ENTPD5: variants seen among roughly 807,000 people sequenced by gnomAD.
ENTPD5 encodes ectonucleoside triphosphate diphosphohydrolase 5 (inactive).
ENTPD5 carries 49 observed loss-of-function variants against 60.2 expected under a neutral mutation model. The ratio of observed to expected loss-of-function variants is 0.81; its 90% confidence interval spans 0.65 to 1.03. The LOEUF is 1.03. Among genes scored for constraint, ENTPD5 ranks in the 50% least tolerant of loss-of-function variants. ENTPD5 has a pLI of 0.00. For synonymous variants in ENTPD5, 187 were observed against 185.4 expected, an observed-to-expected ratio of 1.01 and a Z score of -0.07; for missense variants, 480 against 507.6, an observed-to-expected ratio of 0.95 and a Z score of 0.52.
intron 4 of ENTPD5, 65 bp downstream of exon 4, chr14:73,987,821 G>A (rs2057964212): frequency 6.9e-7 from 1 of 1,454,688 alleles, no homozygotes; most frequent in Non-Finnish European, 9.5e-7. Flanking sequence ...CAGCATATTT[G>A]TTTCTGGGAG....
chr14:73,959,825 C>T, downstream of ENTPD5: 6 of 1,305,552 alleles, frequency 4.6e-6, no homozygotes, highest in Non-Finnish European at 5.9e-6. Flanking sequence ...CTGCCTTGGC[C>T]TCCCAAAGTG....
chr14:73,987,261 A>G (rs952735230), intron 4 of ENTPD5: 6 of 653,096 alleles, frequency 9.2e-6, no homozygotes, highest in Non-Finnish European at 1.6e-5. Flanking sequence ...CACTCCCCAT[A>G]TTCTGAATAT....
At chr14:73,958,388 T>C (rs2056545147), downstream of ENTPD5, 5 of 1,565,666 alleles carry the variant, frequency 3.2e-6, no homozygotes, top group Non-Finnish European at 3.5e-6. Context: ...GGCAAAACTT[T>C]TGGTTATGAG....
At chr14:73,970,175 G>T (rs371888203) in intron 14 of ENTPD5, 50 bp from the exon 15 acceptor site, 2 of 1,340,748 alleles carry the variant, frequency 1.5e-6, no homozygotes, top group African/African-American at 1.4e-5. Context: ...TAACTGAGAG[G>T]TGTAGGATTT....
rs2056926105 is a variant in ENTPD5, at chr14:73,965,265, G to A, written c.*1663C>T. The A allele has an allele frequency of 6.6e-6, 1 of 151,878 alleles. No homozygotes were observed. Among genetic ancestry groups the A allele is most frequent in the African/African-American group, 2.4e-5 (1 of 41,162 alleles). The allele number at this position is 151,878 out of a possible 1,614,324, so 9.4% of individuals were successfully genotyped here. On this transcript the variant is annotated 3_prime_UTR_variant, in exon 16 of 16. Transcript: ENST00000334696. ...CAGGCATACTTAACATCCTTTGTGA[G>A]AGAGAGGATGGAAACGGAGTCTACT...
intron 6 of ENTPD5, among the ~76,000 whole-genome samples, chr14:73,980,199 G>A (rs543511286): frequency 1.3e-4 from 19 of 151,188 alleles, no homozygotes; most frequent in African/African-American, 1.9e-4. Context: ...CGCCCGCCTC[G>A]GCCTCCCAAA....
downstream of ENTPD5, chr14:73,961,585 A>T: frequency 6.2e-7 from 1 of 1,613,246 alleles, no homozygotes; most frequent in East Asian, 2.2e-5. Context: ...GGATTCAGAT[A>T]CTATGGGGAA....
chr14:73,961,930 T>C (rs984412591), downstream of ENTPD5: 3 of 1,613,348 alleles, frequency 1.9e-6, no homozygotes, highest in Admixed American at 5.0e-5. Flanking sequence ...AGGAATGACT[T>C]TGCAAACAGC....
At chr14:73,994,786 G>C (rs899896772) in intron 3 of ENTPD5, among the ~76,000 whole-genome samples, 1 of 150,400 alleles carries the variant, frequency 6.6e-6, no homozygotes, top group Non-Finnish European at 1.5e-5. Flanking sequence ...TACAGAACCC[G>C]AGTCTGCACA....
At chr14:74,012,784 T>C (rs904381032) in intron 2 of ENTPD5, among the ~76,000 whole-genome samples, 3 of 152,330 alleles carry the variant, frequency 2.0e-5, no homozygotes, top group Admixed American at 2.0e-4. Flanking sequence ...CAGATTTCTT[T>C]GTAAAATCTG....
intron 3 of ENTPD5, among the ~76,000 whole-genome samples, chr14:74,002,888 G>A (rs1321610380): frequency 6.6e-6 from 1 of 151,944 alleles, no homozygotes; most frequent in African/African-American, 2.4e-5. Context: ...CTACATCTCT[G>A]ACCCCATCTA....
Position 73,973,885 on chromosome 14 carries a change from T to C in ENTPD5, c.878A>G (p.Asn293Ser), listed in dbSNP as rs749129541. 3.1e-6 allele frequency: 5 copies of C among 1,613,970 alleles called. No individual in the cohort carries two copies. The East Asian group carries it at 8.9e-5, about 29-fold the overall frequency. Residue 293 changes from asparagine (N) to serine (S), a missense_variant, in exon 12 of 16, where the codon AAC becomes AGC. Transcript: ENST00000334696. ...FGGVKYQYGG[N>S]QEGEVGFEPC... ...GAAAAAACATCACTTGCCTTCTTGGTTGCCACCATACTGGTATTTCACACC... is the reference window on the plus strand; with the variant it reads ...GAAAAAACATCACTTGCCTTCTTGGCTGCCACCATACTGGTATTTCACACC...
rs758758608 is a variant in ENTPD5 at position 73,976,336 on chromosome 14, C to A, written c.630G>T (p.Leu210=). 9.3e-6 allele frequency: 15 copies of A among 1,613,940 alleles called. No individual in the cohort carries two copies. The highest frequency in any genetic ancestry group is 1.3e-5 in the African/African-American group (1 of 74,928). ...LGGASTQITF[L]PQFEKTLEQT... is the part of the protein sequence containing the mutation. ...TTAAATGACTCACCTCAAACTGGGG[C>A]AGGAACGTGATTTGGGTGGAGGCTC... The change falls in exon 9 of 16, where the codon CTG becomes CTT. Residue 210 remains leucine (L), a synonymous_variant. Coordinates refer to ENST00000334696, the MANE Select transcript of ENTPD5 (RefSeq NM_001249.5).
At chr14:74,008,464 C>T (rs545366694) in intron 3 of ENTPD5, among the ~76,000 whole-genome samples, 39 of 151,618 alleles carry the variant, frequency 2.6e-4, no homozygotes, top group African/African-American at 9.4e-4. Flanking sequence ...TCTTGGCTCA[C>T]TGCAACCTCC....
chr14:73,993,029 C>T, intron 3 of ENTPD5, among the ~76,000 whole-genome samples: 1 of 151,954 alleles, frequency 6.6e-6, no homozygotes, highest in African/African-American at 2.4e-5. Flanking sequence ...ACAAAGTTAA[C>T]TATATTTGGA....
chr14:73,966,865 A>C lies in ENTPD5; in HGVS notation c.*63T>G. 8.0e-7 allele frequency: 1 copy of C among 1,257,054 alleles called. No individual in the cohort carries two copies. Among genetic ancestry groups the C allele is most frequent in the Non-Finnish European group, 1.2e-6 (1 of 860,404 alleles). The allele number at this position is 1,257,054 out of a possible 1,614,324, so 77.9% of individuals were successfully genotyped here. On this transcript the variant is annotated 3_prime_UTR_variant, in exon 16 of 16. Coordinates refer to ENST00000334696, the MANE Select transcript of ENTPD5 (RefSeq NM_001249.5). Reference sequence around the variant, plus strand: ...TGTCCCCAGACTAGTTCAGAAACTAAGTGCTCTCTCCTCCCCTTAAAAAGG... The same window carrying C: ...TGTCCCCAGACTAGTTCAGAAACTACGTGCTCTCTCCTCCCCTTAAAAAGG...
chr14:73,991,083 T>A (rs2058108378), intron 3 of ENTPD5, among the ~76,000 whole-genome samples: 1 of 152,156 alleles, frequency 6.6e-6, no homozygotes, highest in Non-Finnish European at 1.5e-5. Context: ...AATAATGGCA[T>A]CCATACTTCA....
chr14:73,970,888 T>C (rs1417711596), intron 14 of ENTPD5, among the ~76,000 whole-genome samples: 2 of 151,186 alleles, frequency 1.3e-5, no homozygotes, highest in Non-Finnish European at 3.0e-5. Flanking sequence ...TGCAGTGGCA[T>C]GATCACAGCT....
rs1566738976 is a variant in ENTPD5, at chr14:73,987,949, T to C, written c.154A>G (p.Met52Val). The C allele has an allele frequency of 6.2e-7, 1 of 1,614,144 alleles. No individual in the cohort carries two copies. The highest frequency in any genetic ancestry group is 1.7e-5 in the Admixed American group (1 of 59,998). Residue 52 changes from methionine to valine, a missense_variant, in exon 4 of 16, where the codon ATG becomes GTG. Physicochemically the swap from Met to Val is conservative, Grantham distance 21. Transcript: ENST00000334696. ...NVSASTLYGI[M>V]FDAGSTGTRI... ...GTTCCAGTGCTCCCTGCATCAAACA[T>C]AATTCCATACAAGGTGCTGGCGCTG...
Sources: gnomAD v4.1 joint callset for allele counts (sites outside exome capture counted in the v4.1 genomes callset) on GRCh38, gnomAD v4.1.1 for gene constraint, MANE v1.5 for transcripts, NCBI Gene and HGNC (gene_info 2026-07-23, HGNC 2026-07-21) for gene names.